PHF8: variants seen among roughly 807,000 people sequenced by gnomAD.
The protein encoded by PHF8 is histone lysine demethylase PHF8.
A neutral mutation model predicts 74.4 loss-of-function variants in PHF8; 9 were observed. The observed-to-expected ratio is 0.12, with a 90% CI of 0.07 to 0.21. The LOEUF (loss-of-function observed/expected upper bound fraction) is 0.21. PHF8 is among the 10% of genes least tolerant of loss of function. The probability of loss-of-function intolerance (pLI) is 1.00; values close to 1 mark genes in which losing one functional copy is unlikely to be tolerated. For synonymous variants in PHF8, 311 were observed against 316.6 expected, an observed-to-expected ratio of 0.98 and a Z score of 0.19; for missense variants, 478 against 816.6, an observed-to-expected ratio of 0.59 and a Z score of 5.05.
At chrX:53,957,030 G>A (rs1557088919) in intron 19 of PHF8, among the ~76,000 whole-genome samples, 2 of 109,775 alleles carry the variant, frequency 1.8e-5, no homozygotes. Flanking sequence ...GGCCAACATG[G>A]CGAAACCCTG....
chrX:54,047,146 A>G (rs781967076), upstream of PHF8, among the ~76,000 whole-genome samples: 2 of 112,242 alleles, frequency 1.8e-5, no homozygotes, highest in Non-Finnish European at 3.8e-5. Context: ...CTGTTTCACT[A>G]GTGTTGGGGG....
Position 54,016,751 on chromosome X carries a change from T to C in PHF8, c.455-15A>G, listed in dbSNP as rs782121592. Reference sequence around the variant, plus strand: ...TTTGTCAGAACCTGGAGTAAAGAGATAGGTTCTGCACCAAGTAGTCTCAGG... The same window carrying C: ...TTTGTCAGAACCTGGAGTAAAGAGACAGGTTCTGCACCAAGTAGTCTCAGG... On this transcript the variant is annotated splice_polypyrimidine_tract_variant and intron_variant, in intron 5 of 21. Transcript: ENST00000338154. 1 of 1,190,514 alleles carries C rather than the reference T, an allele frequency of 8.4e-7. No homozygotes were observed. The highest frequency in any genetic ancestry group is 1.1e-6 in the Non-Finnish European group (1 of 876,455).
chrX:54,001,303 T>A (rs1465898634), intron 10 of PHF8, among the ~76,000 whole-genome samples: 1 of 106,338 alleles, frequency 9.4e-6, no homozygotes. Flanking sequence ...TCCAGCCTGG[T>A]GACAGAGCGA....
intron 18 of PHF8, among the ~76,000 whole-genome samples, chrX:53,974,282 A>C (rs141292617): frequency 3.4e-3 from 380 of 111,794 alleles, no homozygotes; most frequent in Middle Eastern, 4.6e-3. Context: ...AAAAAGAAGA[A>C]GACATTCATG....
intron 2 of PHF8, among the ~76,000 whole-genome samples, chrX:54,024,699 T>A (rs1987713608): frequency 8.9e-6 from 1 of 111,985 alleles, no homozygotes; most frequent in African/African-American, 3.2e-5. Context: ...AATGCCGGTC[T>A]GTGAACTATT....
chrX:53,987,040 A>C, intron 16 of PHF8, 38 bp downstream of exon 16: 3 of 841,341 alleles, frequency 3.6e-6, no homozygotes, highest in Non-Finnish European at 5.4e-6. Flanking sequence ...CTCTATCACC[A>C]GAATGAGCAG....
chrX:54,008,307 CA>C (rs2065926678), intron 8 of PHF8, among the ~76,000 whole-genome samples: 1 of 101,837 alleles, frequency 9.8e-6, no homozygotes, highest in Admixed American at 1.1e-4. Context: ...GCGGAGGTTG[CA>C]GTGAGTGGAG....
intron 18 of PHF8, among the ~76,000 whole-genome samples, chrX:53,966,800 C>A (rs1336167758): frequency 1.8e-5 from 2 of 108,929 alleles, no homozygotes; most frequent in African/African-American, 6.8e-5. Flanking sequence ...CGCCTCTTCC[C>A]GGCCGCCATC....
intron 2 of PHF8, among the ~76,000 whole-genome samples, chrX:54,024,219 T>G (rs1184220595): frequency 9.0e-6 from 1 of 111,390 alleles, no homozygotes; most frequent in Non-Finnish European, 1.9e-5. Flanking sequence ...GGCCGGGAGT[T>G]CAAGACCAGC....
intron 15 of PHF8, 151 bp downstream of exon 15, chrX:53,987,615 A>G: frequency 2.0e-6 from 1 of 504,064 alleles, no homozygotes; most frequent in East Asian, 3.7e-5. Flanking sequence ...AGGCTGAGGC[A>G]GGAGAATCAC....
intron 2 of PHF8, among the ~76,000 whole-genome samples, chrX:54,030,704 TC>T (rs2066341587): frequency 8.9e-6 from 1 of 112,141 alleles, no homozygotes; most frequent in South Asian, 3.7e-4. Context: ...ACATTTAATC[TC>T]CACAACAAAT....
intron 4 of PHF8, 124 bp from the exon 5 acceptor site, chrX:54,017,945 T>A: frequency 1.7e-6 from 1 of 592,291 alleles, no homozygotes; most frequent in Non-Finnish European, 2.8e-6. Context: ...TGGCAACTAA[T>A]GCCAAAAACC....
intron 19 of PHF8, among the ~76,000 whole-genome samples, chrX:53,958,049 T>A (rs2065040531): frequency 9.1e-6 from 1 of 110,030 alleles, no homozygotes; most frequent in African/African-American, 3.3e-5. Flanking sequence ...AACTATTTTT[T>A]TTTTTTTTTT....
At chrX:54,032,091 A>T (rs782555623) in intron 2 of PHF8, among the ~76,000 whole-genome samples, 2 of 111,658 alleles carry the variant, frequency 1.8e-5, no homozygotes, top group Admixed American at 9.6e-5. Context: ...ATCAGATCAC[A>T]ACTCTCACTT....
At chrX:53,975,431 C>T (rs1557095749) in intron 18 of PHF8, among the ~76,000 whole-genome samples, 1 of 112,295 alleles carries the variant, frequency 8.9e-6, no homozygotes, top group East Asian at 2.8e-4. Context: ...ATGTTCACTG[C>T]AATACTATTC....
At chrX:54,036,064 C>T (rs1239837623) in intron 2 of PHF8, among the ~76,000 whole-genome samples, 3 of 100,250 alleles carry the variant, frequency 3.0e-5, no homozygotes, top group Non-Finnish European at 6.0e-5. Flanking sequence ...TGAGCCAAAT[C>T]GCGCTCCAGC....
At chrX:53,957,357 AAAC>A (rs2149790424) in intron 19 of PHF8, among the ~76,000 whole-genome samples, 1 of 108,442 alleles carries the variant, frequency 9.2e-6, no homozygotes, top group African/African-American at 3.4e-5. Context: ...CTCAAAAAAC[AAAC>A]AACAAAAAAA....
intron 19 of PHF8, among the ~76,000 whole-genome samples, chrX:53,949,290 G>A (rs996057498): frequency 1.8e-5 from 2 of 110,559 alleles, no homozygotes; most frequent in Admixed American, 9.6e-5. Context: ...AGCTGAGATC[G>A]CGCTACTGCA....
At chrX:53,952,049 G>A (rs1325074951) in intron 19 of PHF8, among the ~76,000 whole-genome samples, 4 of 110,231 alleles carry the variant, frequency 3.6e-5, no homozygotes, top group African/African-American at 1.3e-4. Flanking sequence ...ACTTTGGGAG[G>A]CCGAAGCGGG....
Sources: gnomAD v4.1 joint callset for allele counts (sites outside exome capture counted in the v4.1 genomes callset) on GRCh38, gnomAD v4.1.1 for gene constraint, MANE v1.5 for transcripts, NCBI Gene and HGNC (gene_info 2026-07-23, HGNC 2026-07-21) for gene names.